The following FIRRM variants were observed in gnomAD, a reference collection of about 807,000 sequenced individuals.
FIRRM encodes FIGNL1 interacting regulator of recombination and mitosis, also known as FIGNL1-interacting regulator of recombination and mitosis.
At chr1:169,851,987 C>CT in the FIRRM span, 1 of 1,612,786 alleles carries the variant, frequency 6.2e-7, no homozygotes, top group Non-Finnish European at 8.5e-7. Context: ...AAATTCTGCC[C>CT]TTTTTACTTA....
the FIRRM span, chr1:169,798,925 T>TC: frequency 7.5e-7 from 1 of 1,325,368 alleles, no homozygotes; most frequent in Non-Finnish European, 1.0e-6. Flanking sequence ...CTACTCATTG[T>TC]CTCAACATTC....
the FIRRM span, among the ~76,000 whole-genome samples, chr1:169,841,612 T>C: frequency 6.6e-6 from 1 of 152,190 alleles, no homozygotes; most frequent in Non-Finnish European, 1.5e-5. Context: ...CCAGAAAACA[T>C]TGCCTTTAGT....
the FIRRM span, chr1:169,853,706 T>A: frequency 4.3e-6 from 7 of 1,613,266 alleles, no homozygotes; most frequent in Admixed American, 1.7e-5. Context: ...TTAACTCACA[T>A]CTATTGTCAC....
chr1:169,840,146 T>G, the FIRRM span, among the ~76,000 whole-genome samples: 1 of 152,178 alleles, frequency 6.6e-6, no homozygotes, highest in African/African-American at 2.4e-5. Flanking sequence ...TAGTTTCAAG[T>G]CAAGTCACGT....
the FIRRM span, among the ~76,000 whole-genome samples, chr1:169,837,311 T>C: frequency 1.3e-5 from 2 of 152,222 alleles, no homozygotes; most frequent in Non-Finnish European, 2.9e-5. Context: ...TGATGTATTA[T>C]ATTGGGGGGT....
At chr1:169,789,088 T>C in the FIRRM span, among the ~76,000 whole-genome samples, 37 of 152,302 alleles carry the variant, frequency 2.4e-4, 1 homozygote, top group Admixed American at 2.4e-3. Flanking sequence ...CTCTCCTGGG[T>C]TGCGCTAGTT....
the FIRRM span, among the ~76,000 whole-genome samples, chr1:169,841,959 T>C: frequency 6.6e-6 from 1 of 152,082 alleles, no homozygotes; most frequent in South Asian, 2.1e-4. Context: ...TGGCAGATCA[T>C]GAGGTCAAGA....
the FIRRM span, among the ~76,000 whole-genome samples, chr1:169,843,508 G>GT: frequency 1.3e-5 from 2 of 152,116 alleles, no homozygotes; most frequent in Non-Finnish European, 2.9e-5. Context: ...TAAAGTGAAG[G>GT]TAATAATATC....
chr1:169,829,225 T>C, the FIRRM span: 10 of 1,460,110 alleles, frequency 6.8e-6, no homozygotes, highest in Non-Finnish European at 9.1e-6. Context: ...TAGTAAATGT[T>C]ATTAATGTTG....
At chr1:169,816,811 C>G in the FIRRM span, among the ~76,000 whole-genome samples, 1 of 152,094 alleles carries the variant, frequency 6.6e-6, no homozygotes, top group Non-Finnish European at 1.5e-5. Flanking sequence ...AGTTTGATTC[C>G]TTAAAGGAAA....
At chr1:169,790,646 A>G in the FIRRM span, among the ~76,000 whole-genome samples, 1 of 152,144 alleles carries the variant, frequency 6.6e-6, no homozygotes, top group African/African-American at 2.4e-5. Context: ...GGCCTCCTGG[A>G]TGAGACCTCA....
the FIRRM span, among the ~76,000 whole-genome samples, chr1:169,798,485 G>A: frequency 0.036 from 5,418 of 151,932 alleles, 118 homozygotes; most frequent in Admixed American, 0.063. Flanking sequence ...GGCCAGGCTG[G>A]TCTTCAACTC....
the FIRRM span, among the ~76,000 whole-genome samples, chr1:169,810,264 TAAAA>T: frequency 1.3e-5 from 2 of 152,152 alleles, no homozygotes; most frequent in African/African-American, 4.8e-5. Context: ...AAAGTCAAAA[TAAAA>T]CCAGTAGATT....
At chr1:169,800,930 C>G in the FIRRM span, 1 of 1,598,598 alleles carries the variant, frequency 6.3e-7, no homozygotes, top group Non-Finnish European at 8.5e-7. Flanking sequence ...TATGAACCAC[C>G]TGACATTGGA....
At chr1:169,821,156 C>A in the FIRRM span, among the ~76,000 whole-genome samples, 1 of 152,094 alleles carries the variant, frequency 6.6e-6, no homozygotes, top group African/African-American at 2.4e-5. Context: ...TCTTTTTAAT[C>A]TTTGCTAATC....
the FIRRM span, among the ~76,000 whole-genome samples, chr1:169,791,535 G>T: frequency 6.6e-6 from 1 of 152,100 alleles, no homozygotes. Context: ...AAATGTGATT[G>T]GGAGCAAATC....
At chr1:169,844,920 T>C in the FIRRM span, among the ~76,000 whole-genome samples, 1,667 of 152,288 alleles carry the variant, frequency 0.011, 29 homozygotes, top group African/African-American at 0.038. Context: ...TTTGCCCTCC[T>C]GTTTTCAGCC....
At chr1:169,797,652 C>T in the FIRRM span, among the ~76,000 whole-genome samples, 23 of 152,230 alleles carry the variant, frequency 1.5e-4, no homozygotes, top group South Asian at 3.9e-3. Flanking sequence ...TCAAGTGATT[C>T]TCCTTCCTCA....
At chr1:169,812,507 G>A in the FIRRM span, among the ~76,000 whole-genome samples, 1 of 152,134 alleles carries the variant, frequency 6.6e-6, no homozygotes, top group African/African-American at 2.4e-5. Flanking sequence ...GGTCAGTGTA[G>A]AATAAACTTT....
Sources: allele counts gnomAD v4.1 joint callset (sites outside exome capture counted in the v4.1 genomes callset), GRCh38; gene constraint gnomAD v4.1.1; transcripts MANE v1.5; gene names NCBI Gene and HGNC (gene_info 2026-07-23, HGNC 2026-07-21).